NR2C1: variants seen among roughly 807,000 people sequenced by gnomAD.
NR2C1 encodes the protein TR2 nuclear hormone receptor.
In NR2C1, 33 loss-of-function variants were observed where a neutral mutation model predicts 74.8. The ratio of observed to expected loss-of-function variants is 0.44; its 90% CI spans 0.33 to 0.59. NR2C1 has a LOEUF of 0.59. Ranked by LOEUF, NR2C1 falls within the 20% of genes least tolerant of loss-of-function variation. The pLI is 0.02. For synonymous variants in NR2C1, 225 were observed against 240.6 expected (o/e 0.94, Z 0.60); for missense variants, 568 against 715.6 (o/e 0.79, Z 2.35).
intron 9 of NR2C1, among the ~76,000 whole-genome samples, chr12:95,042,066 TAA>T (rs916570361): frequency 1.4e-4 from 21 of 152,272 alleles, no homozygotes; most frequent in African/African-American, 5.1e-4. Flanking sequence ...CAATTTATGT[TAA>T]AGAGTACATA....
intron 2 of NR2C1, among the ~76,000 whole-genome samples, chr12:95,064,373 T>C (rs1199749836): frequency 3.4e-5 from 5 of 147,562 alleles, no homozygotes; most frequent in African/African-American, 1.3e-4. Flanking sequence ...TTAAGGGAGA[T>C]CAGAAAGGAC....
chr12:95,046,060 G>A (rs554014182), intron 9 of NR2C1, among the ~76,000 whole-genome samples: 109 of 152,144 alleles, frequency 7.2e-4, no homozygotes, highest in Middle Eastern at 3.4e-3. Context: ...GGCTGGTCTC[G>A]AACTCCTGAC....
chr12:95,029,134 G>A (rs1034568751), intron 11 of NR2C1, among the ~76,000 whole-genome samples: 1 of 152,154 alleles, frequency 6.6e-6, no homozygotes, highest in South Asian at 2.1e-4. Flanking sequence ...CAAGGCTGGA[G>A]TGCAGTGGTG....
At position 95,049,168 on chromosome 12, in the gene NR2C1, G is replaced by A. The variant is rs746233609; in HGVS notation, c.1031C>T (p.Ala344Val). 1.1e-5 allele frequency: 18 copies of A among 1,613,952 alleles called. No homozygotes were observed. The highest frequency in any genetic ancestry group is 1.6e-4 in the Middle Eastern group (1 of 6,062). The change falls in exon 9 of 14, where the codon GCG (alanine) becomes GTG (valine). Residue 344 changes from alanine (A) to valine (V), a missense_variant. This residue lies in a region of NR2C1 where 239 missense variants were observed against 232.3 expected (regional missense o/e 1.03). Transcript: ENST00000333003. ...TAGGTGTACACTTCCTTCCATGCCC[G>A]CTACTGAGCTCTGGCAGGCTGTGCT... ...GESTACQSSV[A>V]GMEGSVHLIT...
chr12:95,063,283 A>G (rs1358966885), intron 2 of NR2C1, among the ~76,000 whole-genome samples: 1 of 152,214 alleles, frequency 6.6e-6, no homozygotes, highest in Non-Finnish European at 1.5e-5. Flanking sequence ...GGGGAAGAAC[A>G]TTCCAGGTAG....
intron 9 of NR2C1, among the ~76,000 whole-genome samples, chr12:95,046,412 C>T (rs1370267021): frequency 6.6e-6 from 1 of 151,982 alleles, no homozygotes; most frequent in African/African-American, 2.4e-5. Context: ...AAAGTGAGAT[C>T]CCATCTCTAC....
intron 11 of NR2C1, among the ~76,000 whole-genome samples, chr12:95,029,736 T>C (rs947210966): frequency 7.9e-5 from 12 of 151,928 alleles, no homozygotes; most frequent in African/African-American, 2.9e-4. Flanking sequence ...TTTTTGTATT[T>C]TTAGTAGAGA....
intron 4 of NR2C1, 50 bp downstream of exon 4, chr12:95,059,856 T>G (rs1263001179): frequency 7.7e-7 from 1 of 1,303,792 alleles, no homozygotes; most frequent in African/African-American, 1.5e-5. Context: ...ACGACACATA[T>G]AGGAGGTTAT....
chr12:95,042,424 G>A (rs539501808), intron 9 of NR2C1, among the ~76,000 whole-genome samples: 7 of 151,918 alleles, frequency 4.6e-5, no homozygotes, highest in African/African-American at 1.7e-4. Flanking sequence ...CGTTGGCCAG[G>A]CTCGTCTCAA....
intron 8 of NR2C1, 64 bp downstream of exon 8, chr12:95,051,698 A>G: frequency 7.3e-7 from 1 of 1,378,042 alleles, no homozygotes; most frequent in South Asian, 1.4e-5. Context: ...TAACATAAAA[A>G]TGTTTTAAGA....
intron 8 of NR2C1, 162 bp from the exon 9 acceptor site, chr12:95,049,395 C>T: frequency 1.8e-6 from 1 of 556,322 alleles, no homozygotes; most frequent in Non-Finnish European, 3.0e-6. Flanking sequence ...GCTGGGATTA[C>T]AGGTATAAGC....
intron 3 of NR2C1, among the ~76,000 whole-genome samples, chr12:95,060,563 G>A (rs549500228): frequency 5.3e-5 from 8 of 152,326 alleles, no homozygotes; most frequent in Admixed American, 3.9e-4. Context: ...GCTGAGGCAG[G>A]AGAATCGCTT....
chr12:95,051,717 A>G, intron 8 of NR2C1, 45 bp downstream of exon 8: 1 of 1,499,362 alleles, frequency 6.7e-7, no homozygotes, highest in Non-Finnish European at 9.0e-7. Context: ...GAAATACTGA[A>G]AGACATGTAA....
At chr12:95,023,944 C>A (rs1486321778) in intron 13 of NR2C1, among the ~76,000 whole-genome samples, 1 of 152,162 alleles carries the variant, frequency 6.6e-6, no homozygotes, top group East Asian at 1.9e-4. Context: ...TGTCCTAACG[C>A]CTTGCACTCT....
At chr12:95,059,258 C>T (rs987567088) in intron 4 of NR2C1, among the ~76,000 whole-genome samples, 8 of 149,980 alleles carry the variant, frequency 5.3e-5, no homozygotes, top group African/African-American at 2.0e-4. Context: ...GCCGAGATTG[C>T]ACCACTGCAC....
intron 12 of NR2C1, 117 bp downstream of exon 12, chr12:95,028,270 G>A (rs561406252): frequency 2.7e-6 from 2 of 753,850 alleles, no homozygotes; most frequent in South Asian, 1.8e-5. Context: ...AAGAACTACT[G>A]AACTCTTTTC....
At chr12:95,023,586 TTA>T (rs74262975) in intron 13 of NR2C1, among the ~76,000 whole-genome samples, 17,886 of 152,180 alleles carry the variant, frequency 0.12, 1,654 homozygotes, top group African/African-American at 0.26. Context: ...TGCCCACTAC[TTA>T]TATAAATGTG....
At position 95,062,546 on chromosome 12, in the gene NR2C1, A is replaced by G. The variant is rs1874943214; in HGVS notation, c.247T>C (p.Phe83Leu). 6.2e-6 allele frequency: 10 copies of G among 1,612,626 alleles called. No homozygotes were observed. The highest frequency in any genetic ancestry group is 1.1e-5 in the South Asian group (1 of 90,858). Reference protein sequence around the residue: ...TPDAAGVNQLFFTTPDLSAQH... With the variant: ...TPDAAGVNQLLFTTPDLSAQH... ...GCAGACAGATCAGGAGTGGTAAAAA[A>G]TAACTGGTTGACACCTGCTGCATCT... Residue 83 changes from phenylalanine to leucine, a missense_variant, in exon 3 of 14, where the codon TTT becomes CTT. This residue lies in a region of NR2C1 where 128 missense variants were observed against 118.9 expected (regional missense o/e 1.08). Transcript: ENST00000333003.
chr12:95,049,650 G>T (rs956510880), intron 8 of NR2C1, among the ~76,000 whole-genome samples: 10 of 150,562 alleles, frequency 6.6e-5, no homozygotes, highest in Non-Finnish European at 1.3e-4. Context: ...TTATATGTAT[G>T]ATATATATAT....
Sources: allele counts gnomAD v4.1 joint callset (sites outside exome capture counted in the v4.1 genomes callset), GRCh38; gene constraint gnomAD v4.1.1; regional missense constraint gnomAD v4.1.1; transcripts MANE v1.5; gene names NCBI Gene and HGNC (gene_info 2026-07-23, HGNC 2026-07-21).